The following PLXDC2 variants were observed in gnomAD, a reference collection of about 807,000 sequenced individuals.
The protein encoded by PLXDC2 is plexin domain containing 2.
PLXDC2 carries 40 observed loss-of-function variants against 68.9 expected under a neutral mutation model. The observed-to-expected ratio is 0.58, with a 90% confidence interval of 0.45 to 0.76. The LOEUF is 0.76. Among genes scored for constraint, PLXDC2 ranks in the 30% least tolerant of loss-of-function variants. The pLI is 0.00. For synonymous variants in PLXDC2, 243 were observed against 234.2 expected (o/e 1.04, Z -0.34); for missense variants, 644 against 661.9 (o/e 0.97, Z 0.30).
chr10:20,202,554 A>G (rs1029385435), intron 9 of PLXDC2, among the ~76,000 whole-genome samples: 4 of 148,912 alleles, frequency 2.7e-5, no homozygotes, highest in Non-Finnish European at 4.4e-5. Context: ...AAGTCAATAC[A>G]CACCCAAACT....
At chr10:20,023,981 G>T (rs1463785884) in intron 2 of PLXDC2, among the ~76,000 whole-genome samples, 1 of 151,856 alleles carries the variant, frequency 6.6e-6, no homozygotes, top group Non-Finnish European at 1.5e-5. Context: ...GATTTTCCTT[G>T]TTCCTATTCT....
In PLXDC2 at chr10:20,072,493, G is replaced by GAAAGAAAGAA. The variant is rs10687286; in HGVS notation, c.541+4255_541+4256insAAGAAAGAAA. ...AAGAAAGAAGGAACAAAGAAAGAAA[G>GAAAGAAAGAA]AGAAAGAAAGAAAGAAAGAAAGAAA... On this transcript the variant is annotated intron_variant, in intron 4 of 13. Coordinates refer to ENST00000377252, the MANE Select transcript of PLXDC2 (RefSeq NM_032812.9). Among the ~76,000 whole-genome samples the GAAAGAAAGAA allele has an allele frequency of 2.5e-4, 20 of 80,768 alleles. 1 individual carries two copies. The highest frequency in any genetic ancestry group is 1.0e-3 in the South Asian group (2 of 1,910). The allele number at this position is 80,768 out of a possible 152,430, so 53.0% of individuals were successfully genotyped here.
At chr10:19,930,432 G>T (rs1833608541) in intron 1 of PLXDC2, among the ~76,000 whole-genome samples, 1 of 152,044 alleles carries the variant, frequency 6.6e-6, no homozygotes, top group Non-Finnish European at 1.5e-5. Flanking sequence ...AGAAATATTT[G>T]CTGACTTAAA....
intron 2 of PLXDC2, among the ~76,000 whole-genome samples, chr10:20,032,657 G>C (rs1215891727): frequency 6.6e-6 from 1 of 152,026 alleles, no homozygotes; most frequent in Non-Finnish European, 1.5e-5. Flanking sequence ...TGTGGAAGCG[G>C]AGAGAACATT....
chr10:20,144,062 T>C (rs955756483), intron 5 of PLXDC2, among the ~76,000 whole-genome samples: 9 of 152,104 alleles, frequency 5.9e-5, no homozygotes, highest in African/African-American at 1.9e-4. Context: ...ATTCAAGGTC[T>C]TGGAGACATA....
Position 20,279,026 on chromosome 10 carries a change from G to A in PLXDC2, c.1474-677G>A, listed in dbSNP as rs76531248. 4.6e-3 allele frequency among the ~76,000 whole-genome samples: 702 copies of A among 152,226 alleles called. 8 individuals are homozygous for A. Among genetic ancestry groups the A allele is most frequent in the African/African-American group, 0.014 (573 of 41,548 alleles). Reference sequence around the variant, plus strand: ...GTCAATACAAATAACCTGTATTTTAGGACTAGTGTCTATTGTACAATATTT... The same window carrying A: ...GTCAATACAAATAACCTGTATTTTAAGACTAGTGTCTATTGTACAATATTT... On this transcript the variant is annotated intron_variant, in intron 13 of 13. Transcript: ENST00000377252.
intron 9 of PLXDC2, among the ~76,000 whole-genome samples, chr10:20,188,728 G>T (rs933537748): frequency 6.6e-6 from 1 of 151,754 alleles, no homozygotes; most frequent in African/African-American, 2.4e-5. Flanking sequence ...ATGAAGTTGA[G>T]CCTGATAAAA....
At chr10:20,246,016 T>G (rs1564365669) in intron 13 of PLXDC2, among the ~76,000 whole-genome samples, 1 of 152,238 alleles carries the variant, frequency 6.6e-6, no homozygotes, top group Non-Finnish European at 1.5e-5. Flanking sequence ...AAATGGTATG[T>G]GCTGTTGCCA....
intron 9 of PLXDC2, among the ~76,000 whole-genome samples, chr10:20,208,434 A>G (rs770792746): frequency 4.2e-5 from 6 of 142,492 alleles, no homozygotes; most frequent in Non-Finnish European, 7.5e-5. Context: ...CCCTATGATT[A>G]GATTATCTCC....
At chr10:20,031,500 A>G (rs900657022) in intron 2 of PLXDC2, among the ~76,000 whole-genome samples, 9 of 152,126 alleles carry the variant, frequency 5.9e-5, no homozygotes, top group African/African-American at 1.9e-4. Context: ...TCCATTCTCT[A>G]TTACAAAAAG....
At chr10:20,026,195 A>G (rs1268086698) in intron 2 of PLXDC2, among the ~76,000 whole-genome samples, 1 of 142,952 alleles carries the variant, frequency 7.0e-6, no homozygotes, top group African/African-American at 2.5e-5. Context: ...GTTCTCCACT[A>G]AACTATAAGC....
chr10:20,112,468 C>T (rs1338987132), intron 4 of PLXDC2, among the ~76,000 whole-genome samples: 1 of 152,174 alleles, frequency 6.6e-6, no homozygotes. Context: ...AAGAATTCTC[C>T]CTTGAGCTCT....
At chr10:20,220,938 G>A (rs947500231) in intron 12 of PLXDC2, among the ~76,000 whole-genome samples, 2 of 150,792 alleles carry the variant, frequency 1.3e-5, no homozygotes, top group African/African-American at 2.4e-5. Flanking sequence ...CGTCTCCTGG[G>A]TTCAAGCAAT....
intron 1 of PLXDC2, among the ~76,000 whole-genome samples, chr10:19,935,068 A>G (rs1564632912): frequency 6.6e-6 from 1 of 152,170 alleles, no homozygotes; most frequent in Non-Finnish European, 1.5e-5. Context: ...TCAGAAATTC[A>G]TTGTTCTGCT....
intron 13 of PLXDC2, among the ~76,000 whole-genome samples, chr10:20,271,640 C>A (rs181389127): frequency 3.7e-4 from 56 of 152,184 alleles, no homozygotes; most frequent in African/African-American, 1.2e-3. Flanking sequence ...GGGAAACTTA[C>A]CCAGAATTGA....
rs185092634 is a variant in PLXDC2 at position 20,284,957 on chromosome 10, A to G, written c.*5138A>G. 5 of 152,142 alleles carry G rather than the reference A, an allele frequency of 3.3e-5. No homozygotes were observed. Among genetic ancestry groups the G allele is most frequent in the Admixed American group, 6.5e-5 (1 of 15,282 alleles). 9.4% of individuals were successfully genotyped at this position (152,142 alleles called of 1,614,324 possible). A position where few individuals can be genotyped will look rare whatever the true frequency, so the allele number is the denominator to read the frequency against. On this transcript the variant is annotated 3_prime_UTR_variant, in exon 14 of 14. Transcript: ENST00000377252. The stretch of plus-strand genomic sequence containing the variant: ...TTGCGGGGTCTTTGTGGTGTTTTCA[A>G]TTTCTCCTCTCTCCACCCCTGCCCC...
intron 12 of PLXDC2, among the ~76,000 whole-genome samples, chr10:20,239,851 G>A (rs1395789223): frequency 6.6e-6 from 1 of 152,178 alleles, no homozygotes; most frequent in Non-Finnish European, 1.5e-5. Context: ...CCCTAGAGGT[G>A]AATGAACTAA....
Position 20,279,998 on chromosome 10 carries a change from TA to T in PLXDC2, c.*183del. 1.7e-6 allele frequency: 1 copy of T among 577,386 alleles called. No homozygotes were observed. The highest frequency in any genetic ancestry group is 2.3e-5 in the South Asian group (1 of 43,850). The allele number at this position is 577,386 out of a possible 1,614,324, so 35.8% of individuals were successfully genotyped here. A position where few individuals can be genotyped will look rare whatever the true frequency, so the allele number is the denominator to read the frequency against. ...AGGAAACAAAGGGTAAACAAAAAAC[TA>T]AAACTTATACAAGATACCATTTACA... is the stretch of plus-strand genomic sequence containing the variant. On this transcript the variant is annotated 3_prime_UTR_variant, in exon 14 of 14. Transcript: ENST00000377252.
intron 3 of PLXDC2, among the ~76,000 whole-genome samples, chr10:20,065,754 G>T (rs1331952443): frequency 6.6e-6 from 1 of 152,128 alleles, no homozygotes; most frequent in African/African-American, 2.4e-5. Context: ...TTCACAATAG[G>T]GCTCACGCTC....
Sources: allele counts gnomAD v4.1 joint callset (sites outside exome capture counted in the v4.1 genomes callset), GRCh38; gene constraint gnomAD v4.1.1; transcripts MANE v1.5; gene names NCBI Gene and HGNC (gene_info 2026-07-23, HGNC 2026-07-21).